TFDP2: variants seen among roughly 807,000 people sequenced by gnomAD.
The protein encoded by TFDP2 is transcription factor Dp-2, also known as transcription factor Dp-2 (E2F dimerization partner 2).
In TFDP2, 17 loss-of-function variants were observed where a neutral mutation model predicts 59.3. The observed-to-expected ratio is 0.29, with a 90% confidence interval of 0.20 to 0.43. The LOEUF (loss-of-function observed/expected upper bound fraction) is 0.43. TFDP2 is among the 20% of genes least tolerant of loss of function. The pLI is 1.00. For synonymous variants in TFDP2, 180 were observed against 194.7 expected, an observed-to-expected ratio of 0.92 and a Z score of 0.63; for missense variants, 391 against 528.8, an observed-to-expected ratio of 0.74 and a Z score of 2.56.
At chr3:141,984,558 T>C (rs1941864175) in intron 6 of TFDP2, among the ~76,000 whole-genome samples, 1 of 152,272 alleles carries the variant, frequency 6.6e-6, no homozygotes, top group East Asian at 1.9e-4. Context: ...GTCAAAATCA[T>C]AGAAAGTAGA....
At chr3:142,021,870 A>AT (rs1945638097) in intron 3 of TFDP2, among the ~76,000 whole-genome samples, 1 of 152,084 alleles carries the variant, frequency 6.6e-6, no homozygotes, top group Non-Finnish European at 1.5e-5. Flanking sequence ...TCCTTCAATA[A>AT]TTTTTTAAGT....
At chr3:142,043,919 T>C in intron 3 of TFDP2, 1 of 868,880 alleles carries the variant, frequency 1.2e-6, no homozygotes, top group South Asian at 1.3e-5. Context: ...AGAATCCACA[T>C]GACCTTCTCT....
At position 141,952,554 on chromosome 3, in the gene TFDP2, C is replaced by G. The variant is rs11556323; in HGVS notation, c.1300G>C (p.Asp434His). ...GETPCSFNDEDEEDDEEDSSS... is the reference protein window; with the variant it reads ...GETPCSFNDEHEEDDEEDSSS... ...GAATCCTCCTCATCATCTTCCTCAT[C>G]TTCATCATTGAACGAACAGGGGGTC... Residue 434 changes from aspartate (D) to histidine (H), a missense_variant, in exon 13 of 13, where the codon GAT (aspartate) becomes CAT (histidine). This residue lies in a region of TFDP2 where 223 missense variants were observed against 292.5 expected (regional missense o/e 0.76). Transcript: ENST00000489671. 1 of 1,560,190 alleles carries G rather than the reference C, an allele frequency of 6.4e-7. No homozygotes were observed. The highest frequency in any genetic ancestry group is 8.6e-7 in the Non-Finnish European group (1 of 1,163,206).
At chr3:142,026,981 CAGA>C (rs1193518176) in intron 3 of TFDP2, among the ~76,000 whole-genome samples, 2 of 152,190 alleles carry the variant, frequency 1.3e-5, no homozygotes, top group Admixed American at 6.5e-5. Flanking sequence ...CAGCTTCTCA[CAGA>C]AGATGAAATC....
At chr3:142,136,515 T>C (rs2062744524) in intron 1 of TFDP2, among the ~76,000 whole-genome samples, 1 of 152,090 alleles carries the variant, frequency 6.6e-6, no homozygotes, top group Non-Finnish European at 1.5e-5. Flanking sequence ...TCCTGAATGG[T>C]ACTGCCTAGG....
intron 1 of TFDP2, among the ~76,000 whole-genome samples, chr3:142,109,126 T>C (rs1167758404): frequency 2.6e-5 from 4 of 152,248 alleles, no homozygotes; most frequent in Non-Finnish European, 4.4e-5. Flanking sequence ...AGGAACCCTG[T>C]GCATTTTGTT....
At chr3:142,069,652 G>A (rs867153847) in intron 3 of TFDP2, among the ~76,000 whole-genome samples, 2 of 151,648 alleles carry the variant, frequency 1.3e-5, no homozygotes, top group Admixed American at 6.6e-5. Context: ...TGTTGCCCAG[G>A]CTGGAAGTGC....
At position 141,993,549 on chromosome 3, in the gene TFDP2, A is replaced by T. The variant is rs1368408546; in HGVS notation, c.345T>A (p.Asp115Glu). The change falls in exon 6 of 13, where the codon GAT becomes GAA. Residue 115 changes from aspartate (D) to glutamate (E), a missense_variant. This residue lies in a region of TFDP2 where 162 missense variants were observed against 206.8 expected (regional missense o/e 0.78). Coordinates refer to ENST00000489671, the MANE Select transcript of TFDP2 (RefSeq NM_001178139.2). Reference protein sequence around the residue: ...RKRARKFIDSDFSESKRSKKG... With the variant: ...RKRARKFIDSEFSESKRSKKG... ...AGACTTATACTCACCTTTCTGAAAA[A>T]TCAGAGTCTATAAATTTTCTAGCCC... 3.2e-6 allele frequency: 5 copies of T among 1,583,064 alleles called. No homozygotes were observed. The highest frequency in any genetic ancestry group is 4.3e-6 in the Non-Finnish European group (5 of 1,159,558).
At chr3:142,038,883 T>G (rs1345288918) in intron 3 of TFDP2, among the ~76,000 whole-genome samples, 1 of 152,224 alleles carries the variant, frequency 6.6e-6, no homozygotes, top group African/African-American at 2.4e-5. Flanking sequence ...AATTTTTCAT[T>G]ATTATTAACA....
At chr3:142,094,468 C>A (rs1229129309) in intron 2 of TFDP2, among the ~76,000 whole-genome samples, 3 of 152,054 alleles carry the variant, frequency 2.0e-5, no homozygotes, top group African/African-American at 7.2e-5. Flanking sequence ...CCACGCCCAG[C>A]TAATTTTTGT....
At chr3:141,990,145 T>C (rs1368625898) in intron 6 of TFDP2, among the ~76,000 whole-genome samples, 2 of 152,176 alleles carry the variant, frequency 1.3e-5, no homozygotes, top group South Asian at 4.1e-4. Flanking sequence ...ATGGCCACCC[T>C]GGCCTCCCAA....
intron 3 of TFDP2, among the ~76,000 whole-genome samples, chr3:142,018,928 A>AGTTTT (rs1945359957): frequency 4.2e-5 from 1 of 23,712 alleles, no homozygotes. Flanking sequence ...GTTTTTGGTG[A>AGTTTT]GTTTTTTTTT....
In TFDP2 at chr3:141,995,055, C is replaced by T; in HGVS notation, c.273G>A (p.Gln91=). ...AGCCAGTAGCTTCTGCTATGTGTGT[C>T]TGAGTAACCATTGCTGGTGCAGGGG... ...PYTPAPAMVT[Q]THIAEATGWV... is the part of the protein sequence containing the mutation. The change falls in exon 5 of 13, where the codon CAG becomes CAA. Residue 91 remains glutamine, a synonymous_variant. Coordinates refer to ENST00000489671, the MANE Select transcript of TFDP2 (RefSeq NM_001178139.2). 1 of 1,609,950 alleles carries T rather than the reference C, an allele frequency of 6.2e-7. No homozygotes were observed.
intron 1 of TFDP2, among the ~76,000 whole-genome samples, chr3:142,115,930 C>T (rs1357437197): frequency 2.0e-5 from 3 of 152,176 alleles, no homozygotes; most frequent in Admixed American, 6.5e-5. Flanking sequence ...CAAGTAGGAT[C>T]TGTAGTCCAG....
chr3:142,099,491 C>T (rs752544010), intron 2 of TFDP2, among the ~76,000 whole-genome samples: 1 of 151,924 alleles, frequency 6.6e-6, no homozygotes, highest in Non-Finnish European at 1.5e-5. Flanking sequence ...TACCTGAGGT[C>T]GGGAGTTTGA....
At chr3:141,955,620 T>C (rs1303720206) in intron 11 of TFDP2, among the ~76,000 whole-genome samples, 1 of 152,138 alleles carries the variant, frequency 6.6e-6, no homozygotes, top group African/African-American at 2.4e-5. Flanking sequence ...CAACAAACTC[T>C]TCTGTTGTGA....
intron 11 of TFDP2, among the ~76,000 whole-genome samples, chr3:141,955,524 G>A (rs1214191103): frequency 6.6e-6 from 1 of 152,104 alleles, no homozygotes; most frequent in African/African-American, 2.4e-5. Context: ...CGGAACAGGT[G>A]GGCTGAGGGG....
At chr3:142,118,737 A>C (rs1361433250) in intron 1 of TFDP2, among the ~76,000 whole-genome samples, 2 of 152,216 alleles carry the variant, frequency 1.3e-5, no homozygotes, top group African/African-American at 4.8e-5. Context: ...GAAAATAATG[A>C]AGAAAATAAA....
chr3:142,132,259 T>G lies in TFDP2; in HGVS notation c.-93+16924A>C, dbSNP rs1030430856. 1.3e-4 allele frequency among the ~76,000 whole-genome samples: 20 copies of G among 149,986 alleles called. No individual in the cohort carries two copies. In the South Asian group the frequency reaches 3.3e-3, roughly 25 times the overall value. On this transcript the variant is annotated intron_variant, in intron 1 of 12. Coordinates refer to ENST00000489671, the MANE Select transcript of TFDP2 (RefSeq NM_001178139.2). ...AAATGAAATATTCAGAATAGGCAAA[T>G]CCATAGACTCAGAACATAGATTAGT...
Sources: allele counts gnomAD v4.1 joint callset (sites outside exome capture counted in the v4.1 genomes callset), GRCh38; gene constraint gnomAD v4.1.1; regional missense constraint gnomAD v4.1.1; transcripts MANE v1.5; gene names NCBI Gene and HGNC (gene_info 2026-07-23, HGNC 2026-07-21).